TYW1: variants seen among roughly 807,000 people sequenced by gnomAD.
TYW1 encodes tRNA-yW synthesizing protein 1 homolog.
Under a neutral mutation model 96.2 loss-of-function variants are expected in TYW1, and 46 were observed. The observed-to-expected ratio is 0.48, with a 90% CI of 0.38 to 0.61. The LOEUF is 0.61. Ranked by LOEUF, TYW1 falls within the 20% of genes least tolerant of loss-of-function variation. The pLI, the probability that TYW1 is intolerant of heterozygous loss-of-function variation, is 0.00. For missense variants in TYW1, 684 were observed against 909.6 expected (o/e 0.75, Z 3.19); for synonymous variants, 274 against 323.0 (o/e 0.85, Z 1.63).
intron 3 of TYW1, among the ~76,000 whole-genome samples, chr7:67,007,241 A>G (rs1018139287): frequency 7.2e-5 from 11 of 152,106 alleles, no homozygotes; most frequent in Admixed American, 1.3e-4. Flanking sequence ...AAGCCTCCCA[A>G]GGATACCTGG....
intron 15 of TYW1, among the ~76,000 whole-genome samples, chr7:67,229,118 G>A (rs986924627): frequency 2.6e-5 from 4 of 152,144 alleles, no homozygotes; most frequent in African/African-American, 7.2e-5. Flanking sequence ...AAAAGCTTTC[G>A]GCTCCCCTCG....
rs188149190 is a variant in TYW1, at chr7:67,148,526, C to T, written c.1698+30908C>T. 8.0e-5 allele frequency among the ~76,000 whole-genome samples: 12 copies of T among 149,978 alleles called. No individual in the cohort carries two copies. The East Asian group carries it at 9.9e-4, about 12-fold the overall frequency. The stretch of plus-strand genomic sequence containing the variant: ...CTGCAAGCTCCGCCCCCCGGGTTCA[C>T]GCCATTCTCCTGCCTCAGCCTCCCG... On this transcript the variant is annotated intron_variant, in intron 13 of 15. Transcript: ENST00000359626.
At chr7:67,238,212 G>A (rs1441296684) in intron 15 of TYW1, 96 bp from the exon 16 acceptor site, 1 of 1,536,182 alleles carries the variant, frequency 6.5e-7, no homozygotes, top group Non-Finnish European at 8.8e-7. Flanking sequence ...ACGTGATAGG[G>A]AGAAAAGATC....
chr7:67,003,404 G>T (rs1793469182), intron 3 of TYW1, among the ~76,000 whole-genome samples: 2 of 151,226 alleles, frequency 1.3e-5, no homozygotes, highest in African/African-American at 4.9e-5. Context: ...TACTCCCCTG[G>T]TCCATGCCAT....
At chr7:67,029,411 G>GTATATATATA (rs1388432409) in intron 7 of TYW1, among the ~76,000 whole-genome samples, 2 of 106,920 alleles carry the variant, frequency 1.9e-5, no homozygotes, top group African/African-American at 3.6e-5. Context: ...GTGTGTGTGT[G>GTATATATATA]TGTGTATATA....
intron 13 of TYW1, among the ~76,000 whole-genome samples, chr7:67,138,585 T>C (rs1177468920): frequency 6.6e-6 from 1 of 152,144 alleles, no homozygotes; most frequent in Non-Finnish European, 1.5e-5. Flanking sequence ...TTTTTTCTAT[T>C]TTTTGTACCC....
intron 8 of TYW1, 142 bp downstream of exon 8, chr7:67,050,208 T>G (rs755684128): frequency 1.6e-5 from 16 of 1,027,386 alleles, no homozygotes; most frequent in Non-Finnish European, 1.1e-5. Context: ...CCTTTTTATT[T>G]CTGCGGATTG....
At chr7:67,117,306 C>T (rs892614556) in intron 12 of TYW1, among the ~76,000 whole-genome samples, 177 bp from the exon 13 acceptor site, 5 of 152,172 alleles carry the variant, frequency 3.3e-5, no homozygotes, top group South Asian at 4.2e-4. Context: ...AACCAGAGGC[C>T]GTCCCATTTT....
chr7:67,039,178 CG>C (rs1562979053), intron 7 of TYW1, among the ~76,000 whole-genome samples: 2 of 152,014 alleles, frequency 1.3e-5, no homozygotes, highest in African/African-American at 4.8e-5. Context: ...ACAAGTAGGC[CG>C]GGTGCAGTGG....
intron 12 of TYW1, chr7:67,114,414 G>A (rs1214602433): frequency 6.5e-6 from 1 of 152,910 alleles, no homozygotes; most frequent in Admixed American, 6.6e-5. Flanking sequence ...CATGGGAGAG[G>A]GATTTTTATG....
chr7:67,086,442 G>T (rs576875521), intron 11 of TYW1, among the ~76,000 whole-genome samples: 1 of 152,290 alleles, frequency 6.6e-6, no homozygotes, highest in East Asian at 1.9e-4. Context: ...GTATGTGTAT[G>T]TGTATGTGAA....
At chr7:67,149,722 A>ATATCTATC (rs59266321) in intron 13 of TYW1, among the ~76,000 whole-genome samples, 24,647 of 139,678 alleles carry the variant, frequency 0.18, 2,224 homozygotes, top group Admixed American at 0.21. Context: ...AGGAAAAAAA[A>ATATCTATC]TATCTATCTA....
intron 13 of TYW1, among the ~76,000 whole-genome samples, chr7:67,125,483 A>C (rs1003946173): frequency 1.3e-5 from 2 of 152,046 alleles, no homozygotes; most frequent in African/African-American, 4.8e-5. Flanking sequence ...TATCCCCCCT[A>C]TTCCATGCAT....
chr7:67,143,437 A>C (rs1201068968), intron 13 of TYW1, among the ~76,000 whole-genome samples: 1 of 152,184 alleles, frequency 6.6e-6, no homozygotes, highest in African/African-American at 2.4e-5. Context: ...CATAAACTTA[A>C]AATGTCACAG....
intron 8 of TYW1, among the ~76,000 whole-genome samples, chr7:67,054,627 A>G (rs1026976372): frequency 2.6e-5 from 4 of 152,262 alleles, no homozygotes; most frequent in Admixed American, 6.5e-5. Flanking sequence ...TAATCATCAC[A>G]GTATGAATAT....
intron 14 of TYW1, among the ~76,000 whole-genome samples, chr7:67,191,741 C>T (rs1244330474): frequency 1.3e-5 from 2 of 150,974 alleles, no homozygotes; most frequent in African/African-American, 2.5e-5. Context: ...AGTGAGAGCT[C>T]GGGGTCCCTG....
intron 13 of TYW1, among the ~76,000 whole-genome samples, chr7:67,130,843 T>G (rs1798051460): frequency 6.6e-6 from 1 of 152,136 alleles, no homozygotes; most frequent in Non-Finnish European, 1.5e-5. Context: ...CACTTCTGGG[T>G]GAAGGGTACT....
intron 15 of TYW1, among the ~76,000 whole-genome samples, chr7:67,200,593 G>A (rs1431149684): frequency 2.0e-5 from 3 of 152,070 alleles, no homozygotes; most frequent in African/African-American, 4.8e-5. Context: ...TGGGAATTAC[G>A]GGAACTGCCA....
rs1305537555 is a variant in TYW1, at chr7:67,239,022, C to G, written c.*493C>G. On this transcript the variant is annotated 3_prime_UTR_variant, in exon 16 of 16. Transcript: ENST00000359626. ...CCCTTTCTTCTATCTTAAGACAGCA[C>G]CTCCTGAAAAGAATCGAAGTTGTCA... The G allele has an allele frequency of 1.0e-6, 1 of 988,538 alleles. No individual in the cohort carries two copies. Among genetic ancestry groups the G allele is most frequent in the Non-Finnish European group, 1.2e-6 (1 of 831,582 alleles). The allele number at this position is 988,538 out of a possible 1,614,324, so 61.2% of individuals were successfully genotyped here. A position where few individuals can be genotyped will look rare whatever the true frequency, so the allele number is the denominator to read the frequency against.
Sources: allele counts gnomAD v4.1 joint callset (sites outside exome capture counted in the v4.1 genomes callset), GRCh38; gene constraint gnomAD v4.1.1; transcripts MANE v1.5; gene names NCBI Gene and HGNC (gene_info 2026-07-23, HGNC 2026-07-21).